PGCKA1: variants seen among roughly 807,000 people sequenced by gnomAD.
The protein encoded by PGCKA1 is PDCD10 and GCKIII kinases-associated protein 1.
At chr4:37,506,467 T>C in the PGCKA1 span, among the ~76,000 whole-genome samples, 1 of 152,140 alleles carries the variant, frequency 6.6e-6, no homozygotes, top group Admixed American at 6.5e-5. Flanking sequence ...TGGTCTGTTG[T>C]GTTTCCATTA....
chr4:37,488,350 G>A, the PGCKA1 span, among the ~76,000 whole-genome samples: 2 of 152,074 alleles, frequency 1.3e-5, no homozygotes, highest in South Asian at 2.1e-4. Flanking sequence ...TAGGCAACTC[G>A]AGCTTGTCAC....
the PGCKA1 span, among the ~76,000 whole-genome samples, chr4:37,506,758 C>T: frequency 2.0e-5 from 3 of 152,032 alleles, no homozygotes; most frequent in South Asian, 6.2e-4. Context: ...ATTCTGCAGC[C>T]ATTCAGTGAC....
the PGCKA1 span, among the ~76,000 whole-genome samples, chr4:37,583,675 G>A: frequency 7.2e-5 from 11 of 152,088 alleles, no homozygotes; most frequent in Non-Finnish European, 2.9e-5. Flanking sequence ...CTGACCTCGT[G>A]ATAGCCTGGC....
the PGCKA1 span, among the ~76,000 whole-genome samples, chr4:37,517,318 T>G: frequency 0.27 from 39,946 of 147,458 alleles, 5,456 homozygotes; most frequent in Non-Finnish European, 0.29. Context: ...AATATATATA[T>G]AGAGAGAGAG....
the PGCKA1 span, among the ~76,000 whole-genome samples, chr4:37,539,785 G>T: frequency 2.0e-5 from 3 of 152,258 alleles, no homozygotes; most frequent in South Asian, 2.1e-4. Context: ...GGAATAATTT[G>T]CAAGAATTTA....
chr4:37,548,045 C>T, the PGCKA1 span, among the ~76,000 whole-genome samples: 4 of 143,650 alleles, frequency 2.8e-5, no homozygotes, highest in Non-Finnish European at 6.1e-5. Flanking sequence ...GAATTTATAT[C>T]AAAAGAGTGT....
chr4:37,475,881 T>C, the PGCKA1 span, among the ~76,000 whole-genome samples: 1 of 151,780 alleles, frequency 6.6e-6, no homozygotes, highest in East Asian at 1.9e-4. Context: ...ATTTTTATTT[T>C]TGTGAAATAA....
chr4:37,494,077 T>TA, the PGCKA1 span, among the ~76,000 whole-genome samples: 1 of 152,192 alleles, frequency 6.6e-6, no homozygotes, highest in East Asian at 1.9e-4. Flanking sequence ...TTCCTTTCTT[T>TA]GGGGTATATA....
the PGCKA1 span, among the ~76,000 whole-genome samples, chr4:37,492,277 C>T: frequency 3.3e-5 from 5 of 152,024 alleles, no homozygotes; most frequent in Non-Finnish European, 5.9e-5. This position sits in a 1 kb window ranked among gnomAD's most constrained non-coding sequence, Gnocchi z 4.7. Flanking sequence ...TTTGGCTTTC[C>T]CCGGCTACCT....
the PGCKA1 span, among the ~76,000 whole-genome samples, chr4:37,545,794 C>A: frequency 4.6e-5 from 7 of 152,200 alleles, no homozygotes; most frequent in Non-Finnish European, 1.0e-4. Context: ...TGCCAACTGT[C>A]TCATTTATGG....
chr4:37,591,094 T>G, the PGCKA1 span: 6 of 1,023,314 alleles, frequency 5.9e-6, no homozygotes, highest in Admixed American at 9.4e-5. Flanking sequence ...TCTGCCAGCA[T>G]GCACCAGTGC....
chr4:37,462,446 C>G, the PGCKA1 span, among the ~76,000 whole-genome samples: 21,728 of 152,118 alleles, frequency 0.14, 2,020 homozygotes, highest in South Asian at 0.2. Context: ...CTTTGGTTTA[C>G]TTTGGTTTGA....
At chr4:37,589,363 GCT>G in the PGCKA1 span, among the ~76,000 whole-genome samples, 1 of 152,048 alleles carries the variant, frequency 6.6e-6, no homozygotes, top group Non-Finnish European at 1.5e-5. Flanking sequence ...ATATAAATAA[GCT>G]GTATTCCACT....
chr4:37,500,515 G>A, the PGCKA1 span, among the ~76,000 whole-genome samples: 1 of 152,224 alleles, frequency 6.6e-6, no homozygotes, highest in Non-Finnish European at 1.5e-5. Flanking sequence ...TTTTGCACTT[G>A]CTGAAGGGTG....
the PGCKA1 span, among the ~76,000 whole-genome samples, chr4:37,527,503 C>T: frequency 1.3e-5 from 2 of 152,026 alleles, no homozygotes; most frequent in African/African-American, 4.8e-5. Context: ...TGTACCTTTT[C>T]TCTATTTATG....
chr4:37,467,665 C>T, the PGCKA1 span, among the ~76,000 whole-genome samples: 3 of 152,174 alleles, frequency 2.0e-5, no homozygotes, highest in Non-Finnish European at 2.9e-5. Context: ...GATATACTGG[C>T]TTGTGGTCTA....
At chr4:37,590,544 CA>C in the PGCKA1 span, 1 of 1,614,170 alleles carries the variant, frequency 6.2e-7, no homozygotes, top group Non-Finnish European at 8.5e-7. Context: ...ATGGAGACTC[CA>C]GAGCTCCTTC....
the PGCKA1 span, among the ~76,000 whole-genome samples, chr4:37,519,375 A>G: frequency 1.3e-5 from 2 of 152,152 alleles, no homozygotes; most frequent in Non-Finnish European, 2.9e-5. Flanking sequence ...GGACATTTTA[A>G]TAATATTCTT....
the PGCKA1 span, among the ~76,000 whole-genome samples, chr4:37,568,690 G>T: frequency 6.6e-6 from 1 of 152,226 alleles, no homozygotes; most frequent in African/African-American, 2.4e-5. Context: ...ACTGGGCGTG[G>T]TGCCCCACGT....
Sources: allele counts gnomAD v4.1 joint callset (sites outside exome capture counted in the v4.1 genomes callset), GRCh38; gene constraint gnomAD v4.1.1; non-coding constraint Gnocchi (gnomAD v3.1); transcripts MANE v1.5; gene names NCBI Gene and HGNC (gene_info 2026-07-23, HGNC 2026-07-21).